The following TNRC18 variants were observed in gnomAD, a reference collection of about 807,000 sequenced individuals.
TNRC18 encodes trinucleotide repeat containing 18.
In TNRC18, 69 loss-of-function variants were observed where a neutral mutation model predicts 226.7. The ratio of observed to expected loss-of-function variants is 0.30; its 90% confidence interval spans 0.25 to 0.37. The LOEUF (loss-of-function observed/expected upper bound fraction) is 0.37. Ranked by LOEUF, TNRC18 falls within the 10% of genes least tolerant of loss-of-function variation. The probability of loss-of-function intolerance (pLI) is 1.00; values close to 1 mark genes in which losing one functional copy is unlikely to be tolerated. For synonymous variants in TNRC18, 2,449 were observed against 1,927.6 expected, an observed-to-expected ratio of 1.27 and a Z score of -7.09; for missense variants, 4,754 against 4,256.6, an observed-to-expected ratio of 1.12 and a Z score of -3.25.
chr7:5,343,698 A>G (rs1166879945), intron 18 of TNRC18, among the ~76,000 whole-genome samples: 1 of 152,194 alleles, frequency 6.6e-6, no homozygotes. Context: ...AAGTGCCGGG[A>G]TTGTAGGTGT....
intron 21 of TNRC18, among the ~76,000 whole-genome samples, chr7:5,321,488 T>A (rs549308381): frequency 8.3e-4 from 127 of 152,166 alleles, no homozygotes; most frequent in Non-Finnish European, 1.2e-3. Flanking sequence ...GATGAAAGCC[T>A]GCACCTGCTG....
chr7:5,393,533 G>T (rs1050477697), intron 3 of TNRC18, among the ~76,000 whole-genome samples: 1 of 152,280 alleles, frequency 6.6e-6, no homozygotes, highest in African/African-American at 2.4e-5. Context: ...GGGGAGGGCC[G>T]GAAGAGCCCT....
In TNRC18 at chr7:5,345,665, G is replaced by A. The variant is rs756306053; in HGVS notation, c.5616C>T (p.Ala1872=). ...ESGLGLLARF[A]ASALPSPTVG... Reference sequence around the variant, plus strand: ...CCGTGGGGCTGGGGAGGGCGCTGGCGGCGAAGCGTGCCAGCAGGCCCAGCC... The same window carrying A: ...CCGTGGGGCTGGGGAGGGCGCTGGCAGCGAAGCGTGCCAGCAGGCCCAGCC... The change falls in exon 18 of 30, where the codon GCC becomes GCT. Residue 1872 remains alanine (A), a synonymous_variant. Transcript: ENST00000430969. 239 of 1,552,034 alleles carry A rather than the reference G, an allele frequency of 1.5e-4. No homozygotes were observed. Among genetic ancestry groups the A allele is most frequent in the East Asian group, 2.4e-4 (10 of 41,076 alleles).
chr7:5,420,861 T>C (rs979286016), intron 2 of TNRC18, 199 bp downstream of exon 2: 6 of 752,836 alleles, frequency 8.0e-6, no homozygotes, highest in Non-Finnish European at 1.4e-5. Flanking sequence ...ACGGAAAAGG[T>C]AGCCGAGCCG....
chr7:5,345,873 G>T, intron 17 of TNRC18, 63 bp from the exon 18 acceptor site: 2 of 1,487,144 alleles, frequency 1.3e-6, no homozygotes, highest in Non-Finnish European at 1.8e-6. Context: ...ACCCCCCACC[G>T]CCCCCTGGCC....
intron 16 of TNRC18, among the ~76,000 whole-genome samples, chr7:5,355,482 T>C (rs1583887366): frequency 6.6e-6 from 1 of 152,078 alleles, no homozygotes; most frequent in African/African-American, 2.4e-5. Context: ...AAAATAGTAG[T>C]AGTGTGCGCC....
chr7:5,420,385 C>G (rs888390683), intron 2 of TNRC18: 9 of 456,118 alleles, frequency 2.0e-5, no homozygotes, highest in African/African-American at 1.6e-4. Flanking sequence ...CACCTCCGCA[C>G]CCTCTTTCGC....
chr7:5,405,931 C>T (rs1008198049), intron 2 of TNRC18, among the ~76,000 whole-genome samples: 1 of 152,108 alleles, frequency 6.6e-6, no homozygotes, highest in Non-Finnish European at 1.5e-5. Flanking sequence ...AGTATGCAGA[C>T]GTTGAAATCC....
Position 5,359,422 on chromosome 7 carries a change from C to G in TNRC18, c.4809G>C (p.Glu1603Asp). ...RGRNQTWDEH[E>D]ASSDFISQLK... is the part of the protein sequence containing the mutation. ...CCTGACTGATGAAGTCCGACGAGGC[C>G]TCATGTTCATCCCAAGTCTGGTTCC... Residue 1603 changes from glutamate to aspartate, a missense_variant, in exon 15 of 30, where the codon GAG (glutamate) becomes GAC (aspartate). By Grantham distance (45) the Glu-to-Asp change is conservative. Transcript: ENST00000430969. 1 of 1,614,010 alleles carries G rather than the reference C, an allele frequency of 6.2e-7. No individual in the cohort carries two copies. The highest frequency in any genetic ancestry group is 1.6e-4 in the Middle Eastern group (1 of 6,062).
Position 5,307,980 on chromosome 7 carries a change from C to T in TNRC18, c.*126G>A, listed in dbSNP as rs956211234. On this transcript the variant is annotated 3_prime_UTR_variant, in exon 30 of 30. Transcript: ENST00000430969. ...CCCGGGCATCCACGTGCACACCTGG[C>T]CCCATGCACACGCCTGCAGGAGCGC... 3 of 843,956 alleles carry T rather than the reference C, an allele frequency of 3.6e-6. No individual in the cohort carries two copies. Among genetic ancestry groups the T allele is most frequent in the Non-Finnish European group, 5.5e-6 (3 of 543,500 alleles). 52.3% of individuals were successfully genotyped at this position (843,956 alleles called of 1,614,324 possible).
chr7:5,375,899 G>A (rs1221706410), intron 9 of TNRC18, 135 bp downstream of exon 9: 1 of 857,614 alleles, frequency 1.2e-6, no homozygotes, highest in Non-Finnish European at 1.8e-6. Context: ...TCCTCCAGAA[G>A]CCCTCCCTGA....
intron 19 of TNRC18, among the ~76,000 whole-genome samples, chr7:5,327,372 C>CAT (rs1484839998): frequency 1.4e-5 from 2 of 142,708 alleles, no homozygotes; most frequent in Non-Finnish European, 3.1e-5. Flanking sequence ...TGTGTTTGTG[C>CAT]GTGTGTGTGT....
Position 5,324,983 on chromosome 7 carries a change from A to G in TNRC18, c.6300+113T>C, listed in dbSNP as rs1358804452. 7.7e-6 allele frequency: 10 copies of G among 1,301,640 alleles called. No homozygotes were observed. Among genetic ancestry groups the G allele is most frequent in the Non-Finnish European group, 1.0e-5 (10 of 968,474 alleles). The allele number at this position is 1,301,640 out of a possible 1,614,324, so 80.6% of individuals were successfully genotyped here. ...ACCCTCGTCACCCGCAACCTCTCTG[A>G]GCCACAGCTATAGGGAGGGTGAATA... On this transcript the variant is annotated intron_variant, in intron 20 of 29. Transcript: ENST00000430969. This position sits in a 1 kb window ranked among gnomAD's most constrained non-coding sequence, Gnocchi z 4.8.
At chr7:5,333,325 C>A (rs1317549300) in intron 18 of TNRC18, among the ~76,000 whole-genome samples, 1 of 152,224 alleles carries the variant, frequency 6.6e-6, no homozygotes, top group African/African-American at 2.4e-5. Flanking sequence ...TCCTCCAAAA[C>A]CCCATGTGAC....
At chr7:5,338,926 GAAAAAAAAAA>G (rs778716584) in intron 18 of TNRC18, among the ~76,000 whole-genome samples, 2 of 64,332 alleles carry the variant, frequency 3.1e-5, no homozygotes, top group African/African-American at 5.1e-5. Flanking sequence ...ATCTCAAAAG[GAAAAAAAAAA>G]AAAAAAAAAA....
At chr7:5,350,839 A>G (rs1355883890) in intron 17 of TNRC18, among the ~76,000 whole-genome samples, 2 of 152,146 alleles carry the variant, frequency 1.3e-5, no homozygotes, top group Non-Finnish European at 2.9e-5. Context: ...CAAACAGAGC[A>G]CGATGCTCCG....
In TNRC18 at chr7:5,402,519, C is replaced by T. The variant is rs568330784; in HGVS notation, c.188-7924G>A. ...CACCACACTCCAGCCTGTGACAGAG[C>T]GAGACCCTGTCTCAAAAAGACAAAA... On this transcript the variant is annotated intron_variant, in intron 2 of 29. Coordinates refer to ENST00000430969, the MANE Select transcript of TNRC18 (RefSeq NM_001080495.3). 2.7e-5 allele frequency among the ~76,000 whole-genome samples: 4 copies of T among 150,096 alleles called. No homozygotes were observed. In the South Asian group the frequency reaches 8.4e-4, roughly 31 times the overall value.
At position 5,394,666 on chromosome 7, in the gene TNRC18, C is replaced by T. The variant is rs556000584; in HGVS notation, c.188-71G>A. On this transcript the variant is annotated intron_variant, in intron 2 of 29. Transcript: ENST00000430969. The surrounding 1 kb of genome is among the most constrained non-coding windows in gnomAD (Gnocchi z 4.5). Reference sequence around the variant, plus strand: ...GCGCCGCCGCCCCAGCCCACCGCCCCGACCCACCGCCCCGAGACCGCCGCC... The same window carrying T: ...GCGCCGCCGCCCCAGCCCACCGCCCTGACCCACCGCCCCGAGACCGCCGCC... 8.2e-6 allele frequency: 10 copies of T among 1,214,426 alleles called. No individual in the cohort carries two copies. The highest frequency in any genetic ancestry group is 2.8e-5 in the South Asian group (2 of 71,256). 75.2% of individuals were successfully genotyped at this position (1,214,426 alleles called of 1,614,324 possible). A position where few individuals can be genotyped will look rare whatever the true frequency, so the allele number is the denominator to read the frequency against.
chr7:5,342,491 C>G (rs1459959833), intron 18 of TNRC18, among the ~76,000 whole-genome samples: 2 of 151,670 alleles, frequency 1.3e-5, no homozygotes, highest in South Asian at 2.1e-4. Context: ...ATGAAAGGCT[C>G]AAGACTTCAC....
Sources: allele counts gnomAD v4.1 joint callset (sites outside exome capture counted in the v4.1 genomes callset), GRCh38; gene constraint gnomAD v4.1.1; non-coding constraint Gnocchi (gnomAD v3.1); transcripts MANE v1.5; gene names NCBI Gene and HGNC (gene_info 2026-07-23, HGNC 2026-07-21).